Variants in CSMD2 observed in about 807,000 individuals in gnomAD.
The protein encoded by CSMD2 is CUB and Sushi multiple domains 2.
In CSMD2, 130 loss-of-function variants were observed where a neutral mutation model predicts 398.5. The observed-to-expected ratio is 0.33, with a 90% CI of 0.28 to 0.38. CSMD2 has a LOEUF of 0.38. Ranked by LOEUF, CSMD2 falls within the 10% of genes least tolerant of loss-of-function variation. The probability of loss-of-function intolerance (pLI) is 1.00; values close to 1 mark genes in which losing one functional copy is unlikely to be tolerated. For synonymous variants in CSMD2, 1,828 were observed against 1,908.5 expected (o/e 0.96, Z 1.10); for missense variants, 3,829 against 4,764.9 (o/e 0.80, Z 5.78).
intron 24 of CSMD2, among the ~76,000 whole-genome samples, chr1:33,693,329 C>T (rs1160994893): frequency 6.6e-6 from 1 of 152,132 alleles, no homozygotes; most frequent in African/African-American, 2.4e-5. Context: ...ATATAAATAG[C>T]CAATACATAC....
chr1:33,817,332 C>T (rs899708181), intron 9 of CSMD2, among the ~76,000 whole-genome samples: 6 of 152,144 alleles, frequency 3.9e-5, no homozygotes, highest in South Asian at 2.1e-4. Context: ...ATGTACCCTC[C>T]ACCACCGTCA....
intron 1 of CSMD2, among the ~76,000 whole-genome samples, chr1:34,116,344 T>C (rs941355705): frequency 6.6e-6 from 1 of 151,986 alleles, no homozygotes; most frequent in East Asian, 1.9e-4. Context: ...AAGGTGATTA[T>C]ATAATTATAT....
intron 7 of CSMD2, among the ~76,000 whole-genome samples, chr1:33,821,944 C>T (rs770784873): frequency 5.3e-5 from 8 of 151,994 alleles, no homozygotes; most frequent in African/African-American, 1.9e-4. Flanking sequence ...AAAGAGAATG[C>T]GTGTTATGCA....
In CSMD2 at chr1:33,846,965, T is replaced by C; in HGVS notation, c.952A>G (p.Ile318Val). 1 of 1,609,936 alleles carries C rather than the reference T, an allele frequency of 6.2e-7. No homozygotes were observed. The highest frequency in any genetic ancestry group is 1.1e-5 in the South Asian group (1 of 90,366). The part of the protein sequence containing the change: ...FTGASLPAPV[I>V]SSKNWLRLHF... ...AGTCGCAGCCAGTTCTTGCTGCTGA[T>C]AACGGGGGCTGGGAGGCTGGCTCCG... The change falls in exon 6 of 71, where the codon ATC becomes GTC. Residue 318 changes from isoleucine to valine, a missense_variant. Ile to Val is a conservative substitution (Grantham distance 29). Around this residue, in one of 5 missense-constraint regions of CSMD2, gnomAD observed 2,001 missense variants for 2,567.1 expected, o/e 0.78. Transcript: ENST00000373381.
In CSMD2 at chr1:33,725,536, T is replaced by A. The variant is rs1049361284; in HGVS notation, c.2508A>T (p.Arg836Ser). The A allele has an allele frequency of 1.2e-6, 2 of 1,614,076 alleles. No individual in the cohort carries two copies. Among genetic ancestry groups the A allele is most frequent in the Non-Finnish European group, 1.7e-6 (2 of 1,179,912 alleles). ...TGTCATAGTTGACCTCGGTTTTGAA[T>A]CTGCCAAATGACAGAAATGAAGCCT... ...PGYPIKITFD[R>S]FKTEVNYDTL... The change falls in exon 17 of 71, where the codon AGA becomes AGT. Residue 836 changes from arginine (R) to serine (S), a missense_variant and splice_region_variant. This residue lies in a region of CSMD2 where 2,001 missense variants were observed against 2,567.1 expected (regional missense o/e 0.78). Coordinates refer to ENST00000373381, the MANE Select transcript of CSMD2 (RefSeq NM_001281956.2).
At chr1:33,803,379 T>C (rs1655840851) in intron 10 of CSMD2, among the ~76,000 whole-genome samples, 1 of 152,178 alleles carries the variant, frequency 6.6e-6, no homozygotes, top group African/African-American at 2.4e-5. Flanking sequence ...ATCCAGTATA[T>C]CCAAATGACA....
At chr1:33,531,155 A>G (rs1352970636) in intron 64 of CSMD2, among the ~76,000 whole-genome samples, 2 of 152,236 alleles carry the variant, frequency 1.3e-5, no homozygotes, top group African/African-American at 4.8e-5. Context: ...ATGTTAATTA[A>G]CATGACTTTG....
chr1:34,023,034 CTA>C (rs949854906), intron 3 of CSMD2, among the ~76,000 whole-genome samples: 1 of 152,038 alleles, frequency 6.6e-6, no homozygotes, highest in African/African-American at 2.4e-5. Flanking sequence ...TGGAGTTTTG[CTA>C]TGTTACCCAG....
chr1:34,044,438 G>T (rs1017298006), intron 2 of CSMD2, among the ~76,000 whole-genome samples: 1 of 152,078 alleles, frequency 6.6e-6, no homozygotes, highest in Non-Finnish European at 1.5e-5. Flanking sequence ...GCATCCTGTG[G>T]GCTGGGGTTC....
At chr1:33,915,275 A>G (rs1643665664) in intron 5 of CSMD2, among the ~76,000 whole-genome samples, 2 of 152,224 alleles carry the variant, frequency 1.3e-5, no homozygotes, top group Non-Finnish European at 2.9e-5. Context: ...ATACTCATAA[A>G]CCAGCAGCAT....
In CSMD2 at chr1:33,700,649, C is replaced by T. The variant is rs201395830; in HGVS notation, c.3601G>A (p.Ala1201Thr). The change falls in exon 23 of 71, where the codon GCC (alanine) becomes ACC (threonine). Residue 1201 changes from alanine (A) to threonine (T), a missense_variant. Physicochemically the swap from Ala to Thr is moderately conservative, Grantham distance 58. Around this residue, in one of 5 missense-constraint regions of CSMD2, gnomAD observed 2,001 missense variants for 2,567.1 expected, o/e 0.78. Transcript: ENST00000373381. ...LKVYDGNNNS[A>T]RLLGVFSHSE... ...TGGCTAAAAACTCCCAGCAAACGGG[C>T]GGAGTTGTTGTTGCCATCATAAACC... is the stretch of plus-strand genomic sequence containing the variant. 569 of 1,614,164 alleles carry T rather than the reference C, an allele frequency of 3.5e-4. 2 individuals carry two copies. The highest frequency in any genetic ancestry group is 4.3e-4 in the Non-Finnish European group (506 of 1,180,030).
intron 28 of CSMD2, among the ~76,000 whole-genome samples, chr1:33,650,060 C>T (rs369340869): frequency 1.4e-4 from 21 of 152,254 alleles, no homozygotes; most frequent in African/African-American, 3.9e-4. Context: ...TGAAAGTCAC[C>T]GGCGAAGGGT....
chr1:33,954,651 A>G (rs1214214395), intron 3 of CSMD2, among the ~76,000 whole-genome samples: 1 of 152,184 alleles, frequency 6.6e-6, no homozygotes, highest in Non-Finnish European at 1.5e-5. Context: ...TCTGACACAT[A>G]CTACACAGCA....
chr1:33,656,572 A>G (rs1396191267), intron 27 of CSMD2, among the ~76,000 whole-genome samples: 1 of 152,200 alleles, frequency 6.6e-6, no homozygotes, highest in Non-Finnish European at 1.5e-5. Context: ...CCTCCCATTA[A>G]GCCTGAGTGA....
At chr1:33,808,031 A>G (rs1349897773) in intron 10 of CSMD2, among the ~76,000 whole-genome samples, 2 of 152,166 alleles carry the variant, frequency 1.3e-5, no homozygotes, top group African/African-American at 2.4e-5. Flanking sequence ...GAGAGTTACT[A>G]CATAATTATT....
intron 15 of CSMD2, among the ~76,000 whole-genome samples, chr1:33,728,448 AGTC>A (rs754449772): frequency 4.5e-4 from 68 of 152,226 alleles, no homozygotes; most frequent in Admixed American, 7.9e-4. Context: ...TAAGGGTAGT[AGTC>A]GTCAACTCTT....
chr1:33,996,870 G>A (rs1646743205), intron 3 of CSMD2, among the ~76,000 whole-genome samples: 1 of 152,096 alleles, frequency 6.6e-6, no homozygotes, highest in African/African-American at 2.4e-5. Context: ...AAAGGGACCG[G>A]AAGAAGAAAG....
intron 28 of CSMD2, among the ~76,000 whole-genome samples, chr1:33,650,380 TG>T (rs1643691704): frequency 6.6e-6 from 1 of 152,176 alleles, no homozygotes. Context: ...AAATCAAGCC[TG>T]AACTGAGTCT....
At chr1:33,553,867 A>G (rs2794606) in intron 55 of CSMD2, among the ~76,000 whole-genome samples, 42,300 of 151,992 alleles carry the variant, frequency 0.28, 6,490 homozygotes, top group Admixed American at 0.4. Flanking sequence ...CCTACCATGG[A>G]AGGTAGGTAG....
Sources: allele counts gnomAD v4.1 joint callset (sites outside exome capture counted in the v4.1 genomes callset), GRCh38; gene constraint gnomAD v4.1.1; regional missense constraint gnomAD v4.1.1; transcripts MANE v1.5; gene names NCBI Gene and HGNC (gene_info 2026-07-23, HGNC 2026-07-21).